Variants in AP4E1 observed in about 807,000 individuals in gnomAD.
AP4E1 encodes the protein adaptor related protein complex 4 subunit epsilon 1, also known as AP-4 complex subunit epsilon-1.
Under a neutral mutation model 128.2 loss-of-function variants are expected in AP4E1, and 56 were observed. The observed-to-expected ratio is 0.44, with a 90% CI of 0.35 to 0.55. The LOEUF is 0.55. Among genes scored for constraint, AP4E1 ranks in the 20% least tolerant of loss-of-function variants. The pLI, the probability that AP4E1 is intolerant of heterozygous loss-of-function variation, is 0.00. For missense variants in AP4E1, 1,324 were observed against 1,307.7 expected, an observed-to-expected ratio of 1.01 and a Z score of -0.19; for synonymous variants, 484 against 473.1, an observed-to-expected ratio of 1.02 and a Z score of -0.30.
chr15:50,976,315 C>T (rs1212509898), intron 15 of AP4E1, among the ~76,000 whole-genome samples: 10 of 152,070 alleles, frequency 6.6e-5, no homozygotes, highest in African/African-American at 2.4e-4. Context: ...AAGTGTTTGA[C>T]AAAATTGAAT....
chr15:50,912,297 C>G (rs2063575291), intron 2 of AP4E1, 148 bp downstream of exon 2: 1 of 795,902 alleles, frequency 1.3e-6, no homozygotes, highest in Admixed American at 2.1e-5. Flanking sequence ...CAGATGTTAA[C>G]TTTAGCCTTT....
At position 50,917,496 on chromosome 15, in the gene AP4E1, C is replaced by A. The variant is rs116004259; in HGVS notation, c.346+1925C>A. ...ACAGCAATTGAGATAACATTGATAC[C>A]CTTCTTAGAGGTATCTATTTTGTTA... On this transcript the variant is annotated intron_variant, in intron 3 of 20. Transcript: ENST00000261842. 9.3e-3 allele frequency among the ~76,000 whole-genome samples: 1,412 copies of A among 152,182 alleles called. 26 individuals are homozygous for A. Among genetic ancestry groups the A allele is most frequent in the African/African-American group, 0.033 (1,355 of 41,498 alleles).
At chr15:50,922,531 A>T (rs1165769748) in intron 3 of AP4E1, among the ~76,000 whole-genome samples, 4 of 152,152 alleles carry the variant, frequency 2.6e-5, no homozygotes, top group African/African-American at 4.8e-5. Flanking sequence ...TCCATGGTAG[A>T]CACAGACAGC....
rs575330537 is a variant in AP4E1 at position 50,969,807 on chromosome 15, G to C, written c.1966+1430G>C. ...CCGAGTAGCTGGGACTACAAGCGCC[G>C]GCCACCACGCCCAGCTAATTTTTTT... On this transcript the variant is annotated intron_variant, in intron 15 of 20. Coordinates refer to ENST00000261842, the MANE Select transcript of AP4E1 (RefSeq NM_007347.5). Among the ~76,000 whole-genome samples, 7 of 151,466 alleles carry C rather than the reference G, an allele frequency of 4.6e-5. No homozygotes were observed. In the East Asian group the frequency reaches 7.8e-4, roughly 17 times the overall value.
chr15:50,914,029 A>C (rs577326766), intron 2 of AP4E1, among the ~76,000 whole-genome samples: 1 of 152,206 alleles, frequency 6.6e-6, no homozygotes, highest in African/African-American at 2.4e-5. Flanking sequence ...CATGTTGGTC[A>C]GGCTGGTCTC....
chr15:50,940,991 GA>G (rs1250175914), intron 8 of AP4E1, among the ~76,000 whole-genome samples: 3 of 152,084 alleles, frequency 2.0e-5, no homozygotes, highest in Non-Finnish European at 4.4e-5. Flanking sequence ...GTAAATGGTC[GA>G]AACTATTTGA....
At chr15:50,935,767 G>A (rs546139447) in intron 8 of AP4E1, among the ~76,000 whole-genome samples, 9 of 152,258 alleles carry the variant, frequency 5.9e-5, no homozygotes, top group Admixed American at 4.6e-4. Context: ...GACAGAAATT[G>A]AACTAGTTTA....
chr15:50,918,871 C>T (rs1204495885), intron 3 of AP4E1, among the ~76,000 whole-genome samples: 1 of 152,182 alleles, frequency 6.6e-6, no homozygotes, highest in African/African-American at 2.4e-5. Context: ...TTTTCAACCA[C>T]ATCCCTTTTG....
At chr15:50,945,387 TAC>T in intron 10 of AP4E1, 1 of 778,840 alleles carries the variant, frequency 1.3e-6, no homozygotes, top group Middle Eastern at 2.6e-4. Context: ...TGAGAACAAA[TAC>T]AGTTTGTTGG....
chr15:50,979,809 C>T (rs554960929), intron 15 of AP4E1, among the ~76,000 whole-genome samples: 1 of 152,156 alleles, frequency 6.6e-6, no homozygotes, highest in South Asian at 2.1e-4. Flanking sequence ...ACCACCCGGC[C>T]ATAAATTTCT....
chr15:50,909,678 T>G (rs2063539596), intron 1 of AP4E1, among the ~76,000 whole-genome samples: 1 of 152,130 alleles, frequency 6.6e-6, no homozygotes. Flanking sequence ...CCTTAAGGTT[T>G]TAAAAATTTT....
Position 50,910,395 on chromosome 15 carries a change from T to C in AP4E1, c.150+1467T>C, listed in dbSNP as rs150093174. ...ATGTCATTATTTGTTCAACAGATGT[T>C]TATGGAACAAGGTTATGTGTTAGAC... is the stretch of plus-strand genomic sequence containing the variant. On this transcript the variant is annotated intron_variant, in intron 1 of 20. Coordinates refer to ENST00000261842, the MANE Select transcript of AP4E1 (RefSeq NM_007347.5). Among the ~76,000 whole-genome samples the C allele has an allele frequency of 3.6e-3, 544 of 152,346 alleles. 1 individual carries two copies. Among genetic ancestry groups the C allele is most frequent in the Admixed American group, 8.8e-3 (134 of 15,294 alleles).
chr15:50,969,205 T>A (rs2064441540), intron 15 of AP4E1, among the ~76,000 whole-genome samples: 1 of 152,184 alleles, frequency 6.6e-6, no homozygotes, highest in African/African-American at 2.4e-5. Context: ...TTTCCCTCTA[T>A]GTGTCCATGT....
At chr15:50,975,565 G>T (rs1406879229) in intron 15 of AP4E1, among the ~76,000 whole-genome samples, 9 of 151,976 alleles carry the variant, frequency 5.9e-5, no homozygotes, top group African/African-American at 2.2e-4. Flanking sequence ...TCCTTTCTCT[G>T]TTGTGTATTC....
chr15:50,965,290 G>A (rs1379376395), intron 14 of AP4E1, among the ~76,000 whole-genome samples: 13 of 152,188 alleles, frequency 8.5e-5, no homozygotes, highest in Non-Finnish European at 1.5e-5. Flanking sequence ...TAGGTGAGTT[G>A]ATCCTTGTGC....
intron 3 of AP4E1, among the ~76,000 whole-genome samples, chr15:50,917,119 A>G (rs551581681): frequency 6.6e-6 from 1 of 152,298 alleles, no homozygotes; most frequent in South Asian, 2.1e-4. Context: ...GAAAGACTGT[A>G]TTTGTAGTTT....
Position 50,982,086 on chromosome 15 carries a change from CA to C in AP4E1, c.1967-1913del, listed in dbSNP as rs55717107. Among the ~76,000 whole-genome samples the C allele has an allele frequency of 7.6e-3, 372 of 49,268 alleles. 2 individuals carry two copies. Among genetic ancestry groups the C allele is most frequent in the African/African-American group, 0.024 (294 of 12,348 alleles). The allele number at this position is 49,268 out of a possible 152,430, so 32.3% of individuals were successfully genotyped here. ...GGCAATAAGAGCAAAACTCCCATCT[CA>C]AAAAAAAAAAAAAAAAAAAAAAGCA... On this transcript the variant is annotated intron_variant, in intron 15 of 20. Transcript: ENST00000261842.
intron 8 of AP4E1, among the ~76,000 whole-genome samples, chr15:50,936,464 T>C (rs1323796252): frequency 6.6e-6 from 1 of 151,972 alleles, no homozygotes; most frequent in East Asian, 1.9e-4. Context: ...TGCACATGGG[T>C]CAAAATTCAA....
intron 13 of AP4E1, among the ~76,000 whole-genome samples, chr15:50,953,266 C>T (rs1317479746): frequency 6.6e-6 from 1 of 152,074 alleles, no homozygotes; most frequent in Non-Finnish European, 1.5e-5. Flanking sequence ...ATGAACGTGG[C>T]ATGTCACTCC....
Sources: allele counts gnomAD v4.1 joint callset (sites outside exome capture counted in the v4.1 genomes callset), GRCh38; gene constraint gnomAD v4.1.1; transcripts MANE v1.5; gene names NCBI Gene and HGNC (gene_info 2026-07-23, HGNC 2026-07-21).